Variants in CFAP69 observed in about 807,000 individuals in gnomAD.
CFAP69 encodes cilia and flagella associated protein 69.
CFAP69 carries 92 observed loss-of-function variants against 123.0 expected under a neutral mutation model. The observed-to-expected ratio is 0.75, with a 90% CI of 0.63 to 0.89. The LOEUF is 0.89. Among genes scored for constraint, CFAP69 ranks in the 40% least tolerant of loss-of-function variants. The pLI is 0.00. For synonymous variants in CFAP69, 380 were observed against 364.3 expected, an observed-to-expected ratio of 1.04 and a Z score of -0.49; for missense variants, 1,067 against 1,096.9, an observed-to-expected ratio of 0.97 and a Z score of 0.39.
intron 1 of CFAP69, among the ~76,000 whole-genome samples, chr7:90,249,973 T>C (rs1338582287): frequency 2.0e-5 from 3 of 152,204 alleles, no homozygotes; most frequent in Admixed American, 6.5e-5. Context: ...TTAGTTGATA[T>C]CATATCCTGT....
chr7:90,307,893 G>A lies in CFAP69; in HGVS notation c.2550+39G>A, dbSNP rs371534642. On this transcript the variant is annotated intron_variant, in intron 21 of 22. Transcript: ENST00000389297. ...TGTATTATAGTATCCACAACAAATAGCCAACTCTTACAGACAGACTTTTTC... is the reference window on the plus strand; with the variant it reads ...TGTATTATAGTATCCACAACAAATAACCAACTCTTACAGACAGACTTTTTC... 8.1e-5 allele frequency: 109 copies of A among 1,338,152 alleles called. No individual in the cohort carries two copies. In the East Asian group the frequency reaches 2.0e-3, roughly 25 times the overall value. The allele number at this position is 1,338,152 out of a possible 1,614,324, so 82.9% of individuals were successfully genotyped here. A position where few individuals can be genotyped will look rare whatever the true frequency, so the allele number is the denominator to read the frequency against.
intron 18 of CFAP69, 97 bp downstream of exon 18, chr7:90,304,203 T>C: frequency 7.1e-7 from 1 of 1,413,156 alleles, no homozygotes; most frequent in South Asian, 1.7e-5. Flanking sequence ...TGAGCAAAAA[T>C]CTCTTTATAT....
intron 2 of CFAP69, among the ~76,000 whole-genome samples, chr7:90,257,719 C>T (rs1797818781): frequency 6.6e-6 from 1 of 152,102 alleles, no homozygotes; most frequent in Non-Finnish European, 1.5e-5. Flanking sequence ...TTTTTTATGG[C>T]TTAATAGGAT....
intron 1 of CFAP69, among the ~76,000 whole-genome samples, chr7:90,249,211 G>T (rs370778511): frequency 2.6e-4 from 40 of 152,222 alleles, no homozygotes; most frequent in African/African-American, 8.9e-4. Context: ...GTTCTCACGA[G>T]ATCTGATGGT....
At chr7:90,283,314 G>A (rs994789509) in intron 13 of CFAP69, among the ~76,000 whole-genome samples, 2 of 151,470 alleles carry the variant, frequency 1.3e-5, no homozygotes, top group Admixed American at 1.3e-4. Flanking sequence ...TTTTAAAATG[G>A]TCTATTGTTA....
Position 90,297,778 on chromosome 7 carries a change from A to G in CFAP69, c.1805A>G (p.Glu602Gly). The G allele has an allele frequency of 6.4e-7, 1 of 1,574,658 alleles. No individual in the cohort carries two copies. Among genetic ancestry groups the G allele is most frequent in the Non-Finnish European group, 8.6e-7 (1 of 1,167,994 alleles). Residue 602 changes from glutamate (E) to glycine (G), a missense_variant, in exon 16 of 23, where the codon GAG (glutamate) becomes GGG (glycine). Physicochemically the swap from Glu to Gly is moderately conservative, Grantham distance 98. Coordinates refer to ENST00000389297, the MANE Select transcript of CFAP69 (RefSeq NM_001039706.3). ...TGTATTTTGGGATGTTATCCCTCAG[A>G]GGATTATTTTCTTGAAAAGGAAGGC... ...WCCILGCYPS[E>G]DYFLEKEGIF...
At chr7:90,290,428 T>C (rs1359597398) in intron 15 of CFAP69, among the ~76,000 whole-genome samples, 1 of 152,218 alleles carries the variant, frequency 6.6e-6, no homozygotes, top group Non-Finnish European at 1.5e-5. Flanking sequence ...AGTTCCCTCT[T>C]ACTCAGCCTT....
At chr7:90,258,252 G>A in intron 3 of CFAP69, 89 bp downstream of exon 3, 1 of 910,692 alleles carries the variant, frequency 1.1e-6, no homozygotes, top group Non-Finnish European at 1.7e-6. Context: ...CATTGCTGTT[G>A]TAACAAATTA....
rs1292581786 is a variant in CFAP69, at chr7:90,249,698, C to A, written c.120+4154C>A. On this transcript the variant is annotated intron_variant, in intron 1 of 22. Transcript: ENST00000389297. ...TATCCCAACCCCCTTTAGAGCAGTG[C>A]TTCTCAAATTTTAATGTGCATATGG... Among the ~76,000 whole-genome samples, 3 of 152,084 alleles carry A rather than the reference C, an allele frequency of 2.0e-5. No individual in the cohort carries two copies. In the East Asian group the frequency reaches 5.8e-4, roughly 29 times the overall value.
the CFAP69 span, chr7:90,319,085 T>G: frequency 3.3e-6 from 1 of 303,532 alleles, no homozygotes; most frequent in African/African-American, 2.1e-5. Flanking sequence ...GGCTTTCTTA[T>G]GAACTATTCA....
chr7:90,322,552 T>G, the CFAP69 span: 1 of 152,230 alleles, frequency 6.6e-6, no homozygotes, highest in Non-Finnish European at 1.5e-5. Flanking sequence ...TAATGTTGGC[T>G]TCCTTCTAAA....
At position 90,299,914 on chromosome 7, in the gene CFAP69, A is replaced by G. The variant is rs1427678630; in HGVS notation, c.1905A>G (p.Glu635=). 1.9e-6 allele frequency: 3 copies of G among 1,610,900 alleles called. No individual in the cohort carries two copies. The highest frequency in any genetic ancestry group is 2.2e-5 in the South Asian group (2 of 90,586). Residue 635 remains glutamate (E), a synonymous_variant, in exon 17 of 23, where the codon GAA becomes GAG. Coordinates refer to ENST00000389297, the MANE Select transcript of CFAP69 (RefSeq NM_001039706.3). ...ATCTAATACTTGGAATAATGGTTGA[A>G]TTTTGTGATAATCCCAAAACTGCAG... ...FCNLILGIMV[E]FCDNPKTAAH... is the part of the protein sequence containing the mutation.
At chr7:90,305,556 C>A (rs1793460856) in intron 19 of CFAP69, among the ~76,000 whole-genome samples, 1 of 151,286 alleles carries the variant, frequency 6.6e-6, no homozygotes, top group African/African-American at 2.4e-5. Context: ...CCACGCCCAG[C>A]TAATTTTTGT....
Position 90,299,948 on chromosome 7 carries a change from A to T in CFAP69, c.1939A>T (p.Asn647Tyr), listed in dbSNP as rs1792539887. Residue 647 changes from asparagine to tyrosine, a missense_variant, in exon 17 of 23, where the codon AAT (asparagine) becomes TAT (tyrosine). By Grantham distance (143) the Asn-to-Tyr change is moderately radical (BLOSUM62 -2). Coordinates refer to ENST00000389297, the MANE Select transcript of CFAP69 (RefSeq NM_001039706.3). ...CDNPKTAAHV[N>Y]AWQGKKDQTA... is the part of the protein sequence containing the mutation. Reference sequence around the variant, plus strand: ...TAATCCCAAAACTGCAGCTCATGTCAATGCTTGGCAAGGGAAGAAGGATCA... The same window carrying T: ...TAATCCCAAAACTGCAGCTCATGTCTATGCTTGGCAAGGGAAGAAGGATCA... 6.2e-7 allele frequency: 1 copy of T among 1,612,360 alleles called. No individual in the cohort carries two copies.
In CFAP69 at chr7:90,253,413, C is replaced by T. The variant is rs10480577; in HGVS notation, c.121-2010C>T. On this transcript the variant is annotated intron_variant, in intron 1 of 22. Coordinates refer to ENST00000389297, the MANE Select transcript of CFAP69 (RefSeq NM_001039706.3). ...GTATTTGTTTGTTTGTTTTTTGAGA[C>T]GGAGTCTCACTCTGTCACCCAGGTT... 7.4e-4 allele frequency among the ~76,000 whole-genome samples: 112 copies of T among 152,108 alleles called. 1 individual carries two copies. The highest frequency in any genetic ancestry group is 2.6e-3 in the African/African-American group (108 of 41,504).
intron 15 of CFAP69, among the ~76,000 whole-genome samples, chr7:90,291,468 G>T (rs986163103): frequency 1.3e-5 from 2 of 152,046 alleles, no homozygotes; most frequent in Non-Finnish European, 2.9e-5. Flanking sequence ...TATCTTTTGC[G>T]ACCTCCTATC....
chr7:90,255,991 A>G (rs1281106088), intron 2 of CFAP69, among the ~76,000 whole-genome samples: 1 of 152,236 alleles, frequency 6.6e-6, no homozygotes, highest in Non-Finnish European at 1.5e-5. Flanking sequence ...CAACAAATGT[A>G]TATGCACACA....
chr7:90,308,548 A>C (rs1267688135), intron 21 of CFAP69, among the ~76,000 whole-genome samples: 1 of 152,164 alleles, frequency 6.6e-6, no homozygotes, highest in Non-Finnish European at 1.5e-5. Flanking sequence ...CTATAGATAT[A>C]AAATTGCTAA....
intron 5 of CFAP69, 141 bp downstream of exon 5, chr7:90,265,518 A>G (rs1169939410): frequency 7.0e-6 from 4 of 572,480 alleles, no homozygotes; most frequent in African/African-American, 3.7e-5. Flanking sequence ...AATTAATCAC[A>G]GTGTGCTTGG....
Sources: allele counts gnomAD v4.1 joint callset (sites outside exome capture counted in the v4.1 genomes callset), GRCh38; gene constraint gnomAD v4.1.1; transcripts MANE v1.5; gene names NCBI Gene and HGNC (gene_info 2026-07-23, HGNC 2026-07-21).